The following TSPAN7 variants were observed in gnomAD, a reference collection of about 807,000 sequenced individuals.
TSPAN7 encodes the protein tetraspanin 7.
Under a neutral mutation model 17.6 loss-of-function variants are expected in TSPAN7, and 1 was observed. The observed-to-expected ratio is 0.06, with a 90% CI of 0.02 to 0.27. The LOEUF is 0.27. TSPAN7 is among the 10% of genes least tolerant of loss of function. TSPAN7 has a pLI of 1.00. For missense variants in TSPAN7, 112 were observed against 201.7 expected, an observed-to-expected ratio of 0.56 and a Z score of 2.69; for synonymous variants, 78 against 79.0, an observed-to-expected ratio of 0.99 and a Z score of 0.07.
chrX:38,677,075 T>C (rs951594631), intron 5 of TSPAN7, among the ~76,000 whole-genome samples: 3 of 111,509 alleles, frequency 2.7e-5, no homozygotes, highest in Admixed American at 9.5e-5. Context: ...GTCTTTTTTT[T>C]CCCCCCACTC....
At chrX:38,632,011 T>G in intron 1 of TSPAN7, among the ~76,000 whole-genome samples, 1 of 112,099 alleles carries the variant, frequency 8.9e-6, no homozygotes, top group Middle Eastern at 4.6e-3. Flanking sequence ...GATATATCTT[T>G]TGCAATTTTT....
chrX:38,607,211 C>G (rs2069388512), intron 1 of TSPAN7, among the ~76,000 whole-genome samples: 1 of 111,469 alleles, frequency 9.0e-6, no homozygotes, highest in African/African-American at 3.3e-5. Context: ...CCTTCATGCT[C>G]CAGAGACTGC....
chrX:38,678,636 C>A (rs147584271), intron 5 of TSPAN7, among the ~76,000 whole-genome samples: 4,683 of 111,713 alleles, frequency 0.042, 231 homozygotes, highest in African/African-American at 0.14. Context: ...GGGGTTCATG[C>A]AGTAAATAAC....
intron 1 of TSPAN7, among the ~76,000 whole-genome samples, chrX:38,613,351 C>T (rs1158579682): frequency 3.6e-5 from 4 of 111,756 alleles, no homozygotes; most frequent in Non-Finnish European, 7.5e-5. Flanking sequence ...GTTTCTGTTC[C>T]CAGTGCTCTT....
Position 38,687,617 on chromosome X carries a change from G to A in TSPAN7, c.700G>A (p.Ala234Thr). The change falls in exon 7 of 8, where the codon GCC becomes ACC. Residue 234 changes from alanine (A) to threonine (T), a missense_variant. Transcript: ENST00000378482. Reference protein sequence around the residue: ...AFSQLIGMLLACCLSRFITAN... With the variant: ...AFSQLIGMLLTCCLSRFITAN... ...GCAACAGTTAATTGGCATGCTGCTG[G>A]CCTGCTGTCTGTCCCGGTTCATCAC... 2 of 1,210,909 alleles carry A rather than the reference G, an allele frequency of 1.7e-6. No homozygotes were observed. Among genetic ancestry groups the A allele is most frequent in the Non-Finnish European group, 2.2e-6 (2 of 895,148 alleles).
chrX:38,572,599 C>G (rs952448756), intron 1 of TSPAN7, among the ~76,000 whole-genome samples: 15 of 111,512 alleles, frequency 1.3e-4, no homozygotes, highest in African/African-American at 4.9e-4. Flanking sequence ...CAAACATCAT[C>G]ATGATGATGT....
At chrX:38,684,398 T>C (rs1048803650) in intron 6 of TSPAN7, among the ~76,000 whole-genome samples, 18 of 111,337 alleles carry the variant, frequency 1.6e-4, no homozygotes, top group Non-Finnish European at 2.8e-4. Flanking sequence ...TATAAATTTA[T>C]AGCAGAAGGT....
At chrX:38,672,436 C>T (rs1446116175) in intron 3 of TSPAN7, among the ~76,000 whole-genome samples, 1 of 110,464 alleles carries the variant, frequency 9.1e-6, no homozygotes, top group Admixed American at 9.7e-5. Context: ...TGCTCCCCTA[C>T]TGCCTTGTTT....
intron 1 of TSPAN7, among the ~76,000 whole-genome samples, chrX:38,637,912 G>A (rs1023709593): frequency 1.8e-5 from 2 of 111,693 alleles, no homozygotes; most frequent in Non-Finnish European, 3.8e-5. Context: ...ATTAGTGTAC[G>A]CTATAGGCCC....
intron 1 of TSPAN7, among the ~76,000 whole-genome samples, chrX:38,604,609 T>G (rs2069366842): frequency 9.0e-6 from 1 of 111,569 alleles, no homozygotes; most frequent in Non-Finnish European, 1.9e-5. Context: ...TTTGCATTTC[T>G]CTGATGGCCA....
chrX:38,563,244 T>G, intron 1 of TSPAN7: 2 of 591,936 alleles, frequency 3.4e-6, no homozygotes, highest in Non-Finnish European at 4.6e-6. Flanking sequence ...TTATTTGGAC[T>G]GACAACGACA....
intron 1 of TSPAN7, among the ~76,000 whole-genome samples, chrX:38,565,221 CTTGT>C (rs746312664): frequency 3.2e-4 from 36 of 111,085 alleles, no homozygotes; most frequent in African/African-American, 6.5e-4. Context: ...CCTTACTGGT[CTTGT>C]TTGTTTGTTT....
intron 6 of TSPAN7, 40 bp downstream of exon 6, chrX:38,681,327 C>G: frequency 9.3e-7 from 1 of 1,076,972 alleles, no homozygotes; most frequent in Non-Finnish European, 1.3e-6. Context: ...CTAACCTTTC[C>G]TCTGCCTCCC....
At chrX:38,605,136 G>A (rs1375416775) in intron 1 of TSPAN7, among the ~76,000 whole-genome samples, 5 of 108,483 alleles carry the variant, frequency 4.6e-5, no homozygotes, top group African/African-American at 1.7e-4. Context: ...GTTTGCAGAC[G>A]ACATGATTGT....
rs1034246774 is a variant in TSPAN7, at chrX:38,570,966, G to C, written c.81+9339G>C. On this transcript the variant is annotated intron_variant, in intron 1 of 7. Coordinates refer to ENST00000378482, the MANE Select transcript of TSPAN7 (RefSeq NM_004615.4). ...AAACAGGTAAGCATTTTATTTATTTGTTTATTGCCTTTTGAAACATTTATT... is the reference window on the plus strand; with the variant it reads ...AAACAGGTAAGCATTTTATTTATTTCTTTATTGCCTTTTGAAACATTTATT... The C allele has an allele frequency of 2.7e-5, 3 of 112,008 alleles. No homozygotes were observed. In the East Asian group the frequency reaches 8.3e-4, roughly 31 times the overall value. The allele number at this position is 112,008 out of a possible 1,213,427, so 9.2% of individuals were successfully genotyped here.
At chrX:38,586,466 T>C (rs2069259051) in intron 1 of TSPAN7, among the ~76,000 whole-genome samples, 1 of 112,526 alleles carries the variant, frequency 8.9e-6, no homozygotes, top group African/African-American at 3.2e-5. Context: ...TTAAATGACC[T>C]ATTTGCCCAG....
chrX:38,571,743 T>TAA (rs111946910), intron 1 of TSPAN7, among the ~76,000 whole-genome samples: 7 of 104,006 alleles, frequency 6.7e-5, no homozygotes, highest in African/African-American at 2.4e-4. Flanking sequence ...GTGTGTGAGT[T>TAA]AAAAAAAAAA....
rs948632153 is a variant in TSPAN7 at position 38,567,331 on chromosome X, A to T, written c.81+5704A>T. ...TCATGGCTGAAGGCGAATGAGCAGC[A>T]AAGTTACATCTTACATGGTGGTAGG... On this transcript the variant is annotated intron_variant, in intron 1 of 7. Transcript: ENST00000378482. Among the ~76,000 whole-genome samples, 13 of 112,783 alleles carry T rather than the reference A, an allele frequency of 1.2e-4. No homozygotes were observed. The East Asian group carries it at 1.4e-3, about 12-fold the overall frequency.
At chrX:38,610,763 T>C (rs984609575) in intron 1 of TSPAN7, among the ~76,000 whole-genome samples, 2 of 112,599 alleles carry the variant, frequency 1.8e-5, no homozygotes, top group African/African-American at 6.5e-5. Context: ...CTATTCACAA[T>C]GGAGCAATCT....
Sources: gnomAD v4.1 joint callset for allele counts (sites outside exome capture counted in the v4.1 genomes callset) on GRCh38, gnomAD v4.1.1 for gene constraint, MANE v1.5 for transcripts, NCBI Gene and HGNC (gene_info 2026-07-23, HGNC 2026-07-21) for gene names.